The following ATP8A2 variants were observed in gnomAD, a reference collection of about 807,000 sequenced individuals.
ATP8A2 encodes ATPase phospholipid transporting 8A2.
A neutral mutation model predicts 165.6 loss-of-function variants in ATP8A2; 100 were observed. The ratio of observed to expected loss-of-function variants is 0.60; its 90% CI spans 0.51 to 0.71. ATP8A2 has a LOEUF of 0.71. Ranked by LOEUF, ATP8A2 falls within the 30% of genes least tolerant of loss-of-function variation. ATP8A2 has a pLI of 0.00. For missense variants in ATP8A2, 1,227 were observed against 1,479.5 expected, an observed-to-expected ratio of 0.83 and a Z score of 2.80; for synonymous variants, 543 against 548.8, an observed-to-expected ratio of 0.99 and a Z score of 0.15.
At chr13:25,518,279 C>T (rs764256282) in intron 2 of ATP8A2, among the ~76,000 whole-genome samples, 4 of 152,166 alleles carry the variant, frequency 2.6e-5, no homozygotes, top group Non-Finnish European at 4.4e-5. Flanking sequence ...GATATCCTAT[C>T]GGGAGCCTGC....
At chr13:25,649,386 A>G (rs2041757284) in intron 24 of ATP8A2, among the ~76,000 whole-genome samples, 1 of 152,164 alleles carries the variant, frequency 6.6e-6, no homozygotes, top group African/African-American at 2.4e-5. Flanking sequence ...AAGTGGTACC[A>G]CTATTTGAGT....
intron 9 of ATP8A2, among the ~76,000 whole-genome samples, chr13:25,542,679 G>T (rs1412507043): frequency 6.6e-6 from 1 of 152,032 alleles, no homozygotes; most frequent in African/African-American, 2.4e-5. Flanking sequence ...CCCAAGGCTT[G>T]GAAGGACCTG....
At chr13:25,729,099 A>C in intron 25 of ATP8A2, among the ~76,000 whole-genome samples, 7 of 140,866 alleles carry the variant, frequency 5.0e-5, no homozygotes, top group South Asian at 2.3e-4. Context: ...TTTTTTTCCC[A>C]CCCTCCCCCT....
chr13:25,394,224 A>G (rs2033343607), intron 1 of ATP8A2, among the ~76,000 whole-genome samples: 1 of 152,216 alleles, frequency 6.6e-6, no homozygotes, highest in African/African-American at 2.4e-5. Flanking sequence ...GTGATTAGAC[A>G]TGTCTGCCTG....
chr13:25,574,964 A>T (rs746112286), intron 19 of ATP8A2, 107 bp downstream of exon 19: 1 of 556,288 alleles, frequency 1.8e-6, no homozygotes, highest in African/African-American at 2.0e-5. Context: ...TTACTTAAGT[A>T]TTAAATATAA....
intron 33 of ATP8A2, among the ~76,000 whole-genome samples, chr13:25,871,489 C>T (rs988277012): frequency 2.0e-5 from 3 of 151,998 alleles, no homozygotes; most frequent in South Asian, 2.1e-4. Flanking sequence ...AGAAAGGCCA[C>T]CAAGTCCGGT....
At chr13:25,481,736 G>A (rs1358008403) in intron 2 of ATP8A2, among the ~76,000 whole-genome samples, 3 of 152,186 alleles carry the variant, frequency 2.0e-5, no homozygotes, top group Non-Finnish European at 4.4e-5. Flanking sequence ...TTCTGGTGCG[G>A]GCTCTCTCCT....
At chr13:25,471,237 A>T (rs977618280) in intron 2 of ATP8A2, among the ~76,000 whole-genome samples, 1 of 151,914 alleles carries the variant, frequency 6.6e-6, no homozygotes, top group African/African-American at 2.4e-5. Context: ...ATTTTTGCTT[A>T]ATTTCTATTA....
intron 2 of ATP8A2, among the ~76,000 whole-genome samples, chr13:25,495,801 A>T (rs1044948468): frequency 3.3e-5 from 5 of 151,642 alleles, no homozygotes; most frequent in African/African-American, 1.2e-4. Flanking sequence ...TCACTTTTAT[A>T]CTTCCCATGG....
intron 28 of ATP8A2, among the ~76,000 whole-genome samples, chr13:25,832,863 G>C (rs1430206156): frequency 6.6e-6 from 1 of 151,992 alleles, no homozygotes; most frequent in African/African-American, 2.4e-5. Flanking sequence ...ACAAATATTG[G>C]GAAAACAGTG....
At chr13:25,788,240 C>T (rs1242831836) in intron 27 of ATP8A2, among the ~76,000 whole-genome samples, 1 of 152,238 alleles carries the variant, frequency 6.6e-6, no homozygotes, top group Non-Finnish European at 1.5e-5. Context: ...ACAGGACAAC[C>T]TTTAGCAAAG....
intron 35 of ATP8A2, among the ~76,000 whole-genome samples, chr13:25,998,112 T>C (rs1233497267): frequency 6.6e-6 from 1 of 152,106 alleles, no homozygotes; most frequent in Non-Finnish European, 1.5e-5. Context: ...GTCTTCAGGG[T>C]AGGGATGGGA....
intron 25 of ATP8A2, among the ~76,000 whole-genome samples, chr13:25,749,575 G>A (rs965879059): frequency 6.6e-6 from 1 of 152,064 alleles, no homozygotes; most frequent in African/African-American, 2.4e-5. Flanking sequence ...GGCTGTGCTC[G>A]GTGGGGGCAG....
chr13:25,914,466 C>A (rs188857686), intron 33 of ATP8A2, among the ~76,000 whole-genome samples: 1 of 152,138 alleles, frequency 6.6e-6, no homozygotes, highest in Non-Finnish European at 1.5e-5. Flanking sequence ...CTGATGAGCA[C>A]CCTTATCCAT....
intron 28 of ATP8A2, among the ~76,000 whole-genome samples, chr13:25,834,842 G>A (rs1017874322): frequency 6.6e-6 from 1 of 152,140 alleles, no homozygotes; most frequent in Admixed American, 6.6e-5. Flanking sequence ...GGTGTGTTCT[G>A]TGAAATTGAG....
At chr13:25,634,757 C>T (rs1005041064) in intron 24 of ATP8A2, among the ~76,000 whole-genome samples, 3 of 152,034 alleles carry the variant, frequency 2.0e-5, no homozygotes, top group African/African-American at 7.2e-5. Flanking sequence ...CTTTCACTTG[C>T]CTTCTCTAAA....
At chr13:25,700,284 CAT>C (rs2042924231) in intron 25 of ATP8A2, among the ~76,000 whole-genome samples, 1 of 152,162 alleles carries the variant, frequency 6.6e-6, no homozygotes, top group South Asian at 2.1e-4. Flanking sequence ...ATTCACATAC[CAT>C]ACAGTTCACC....
At chr13:25,437,423 A>G (rs557366174) in intron 1 of ATP8A2, among the ~76,000 whole-genome samples, 82 of 152,316 alleles carry the variant, frequency 5.4e-4, no homozygotes, top group Non-Finnish European at 9.4e-4. Context: ...CTACTTTAAT[A>G]GAAACCCTAA....
chr13:25,435,967 G>A (rs2034761218), intron 1 of ATP8A2, among the ~76,000 whole-genome samples: 1 of 114,356 alleles, frequency 8.7e-6, no homozygotes, highest in Non-Finnish European at 2.1e-5. Context: ...GTGTGTGTGT[G>A]TGTGTATGTG....
Sources: allele counts gnomAD v4.1 joint callset (sites outside exome capture counted in the v4.1 genomes callset), GRCh38; gene constraint gnomAD v4.1.1; transcripts MANE v1.5; gene names NCBI Gene and HGNC (gene_info 2026-07-23, HGNC 2026-07-21).